DHX38: variants seen among roughly 807,000 people sequenced by gnomAD.
DHX38 encodes DEAH-box helicase 38, also known as pre-mRNA-splicing factor ATP-dependent RNA helicase PRP16.
In DHX38, 100 loss-of-function variants were observed where a neutral mutation model predicts 153.1. The observed-to-expected ratio is 0.65, with a 90% confidence interval of 0.56 to 0.77. DHX38 has a LOEUF of 0.77. Among genes scored for constraint, DHX38 ranks in the 30% least tolerant of loss-of-function variants. The probability of loss-of-function intolerance (pLI) is 0.00; values close to 1 mark genes in which losing one functional copy is unlikely to be tolerated. For missense variants in DHX38, 1,440 were observed against 1,654.0 expected, an observed-to-expected ratio of 0.87 and a Z score of 2.24; for synonymous variants, 650 against 631.7, an observed-to-expected ratio of 1.03 and a Z score of -0.43.
chr16:72,112,639 G>A lies in DHX38; in HGVS notation c.*142G>A. 3 of 878,820 alleles carry A rather than the reference G, an allele frequency of 3.4e-6. No individual in the cohort carries two copies. The highest frequency in any genetic ancestry group is 5.5e-6 in the Non-Finnish European group (3 of 545,106). The allele number at this position is 878,820 out of a possible 1,614,324, so 54.4% of individuals were successfully genotyped here. A position where few individuals can be genotyped will look rare whatever the true frequency, so the allele number is the denominator to read the frequency against. On this transcript the variant is annotated 3_prime_UTR_variant, in exon 27 of 27. Coordinates refer to ENST00000268482, the MANE Select transcript of DHX38 (RefSeq NM_014003.4). ...CGGCCCCCCAGGGCAGTTCCTGCTG[G>A]ACCAGACTCTCTGGCAGAGGAGGTG... is the stretch of plus-strand genomic sequence containing the variant.
At position 72,107,442 on chromosome 16, in the gene DHX38, C is replaced by G. The variant is rs143023565; in HGVS notation, c.2703C>G (p.Leu901=). ...LANVVLLLKS[L]GVQDLLQFHF... ...ACGTGGTGCTGCTGCTCAAGTCCCT[C>G]GGGGTGCAGGACCTGCTGCAGTTCC... Residue 901 remains leucine (L), a synonymous_variant, in exon 20 of 27, where the codon CTC becomes CTG. Transcript: ENST00000268482. This position sits in a 1 kb window ranked among gnomAD's most constrained non-coding sequence, Gnocchi z 5.3. The G allele has an allele frequency of 4.3e-6, 7 of 1,614,016 alleles. No individual in the cohort carries two copies. In the East Asian group the frequency reaches 1.3e-4, roughly 31 times the overall value.
Position 72,096,255 on chromosome 16 carries a change from C to G in DHX38, c.98C>G (p.Ala33Gly). 2.5e-6 allele frequency: 4 copies of G among 1,614,178 alleles called. No homozygotes were observed. Among genetic ancestry groups the G allele is most frequent in the Non-Finnish European group, 3.4e-6 (4 of 1,180,046 alleles). The part of the protein sequence containing the change: ...GGLICKSKSA[A>G]SEQHVFKAPA... ...CTTATTTGCAAGTCCAAAAGTGCGG[C>G]CAGCGAGCAGCATGTCTTCAAGGCT... Residue 33 changes from alanine to glycine, a missense_variant, in exon 2 of 27, where the codon GCC becomes GGC. Coordinates refer to ENST00000268482, the MANE Select transcript of DHX38 (RefSeq NM_014003.4).
intron 3 of DHX38, 93 bp downstream of exon 3, chr16:72,097,102 T>A: frequency 1.5e-6 from 2 of 1,373,362 alleles, no homozygotes; most frequent in South Asian, 1.5e-5. Flanking sequence ...AACACCCATT[T>A]GTTAGGGAGT....
Position 72,107,191 on chromosome 16 carries a change from G to T in DHX38, c.2601-149G>T. 2 of 788,612 alleles carry T rather than the reference G, an allele frequency of 2.5e-6. No individual in the cohort carries two copies. Among genetic ancestry groups the T allele is most frequent in the Non-Finnish European group, 4.0e-6 (2 of 506,030 alleles). 48.9% of individuals were successfully genotyped at this position (788,612 alleles called of 1,614,324 possible). On this transcript the variant is annotated intron_variant, in intron 19 of 26. Transcript: ENST00000268482. This position sits in a 1 kb window ranked among gnomAD's most constrained non-coding sequence, Gnocchi z 5.3. ...AGAAGAAGGGCTAAATTGGCAGATT[G>T]GAGTTTTGAATAGGTGGAAGTCAGT...
chr16:72,099,916 A>G (rs1269396325), intron 8 of DHX38, 29 bp downstream of exon 8: 2 of 1,579,034 alleles, frequency 1.3e-6, no homozygotes, highest in Non-Finnish European at 1.7e-6. Flanking sequence ...GTTGGAGCAG[A>G]TTCAGAGCTG....
chr16:72,098,834 G>A lies in DHX38; in HGVS notation c.764+42G>A, dbSNP rs778250277. 17 of 1,613,204 alleles carry A rather than the reference G, an allele frequency of 1.1e-5. 1 individual carries two copies. In the Middle Eastern group the frequency reaches 5.0e-4, roughly 47 times the overall value. ...AGCAGCCCAGTTTCGCTGGGTGGGC[G>A]GTAAGGAGCCTCGGCAGGGAGAGCA... On this transcript the variant is annotated intron_variant, in intron 5 of 26. Transcript: ENST00000268482.
Position 72,107,153 on chromosome 16 carries a change from T to C in DHX38, c.2601-187T>C, listed in dbSNP as rs1372523012. Among the ~76,000 whole-genome samples, 2 of 151,716 alleles carry C rather than the reference T, an allele frequency of 1.3e-5. No individual in the cohort carries two copies. Among genetic ancestry groups the C allele is most frequent in the East Asian group, 3.9e-4 (2 of 5,174 alleles). ...GTCTAAAAAAAAAAGAAATGAAACA[T>C]GTAAGAGGCTCCAGAAGAAGGGCTA... On this transcript the variant is annotated intron_variant, in intron 19 of 26. Coordinates refer to ENST00000268482, the MANE Select transcript of DHX38 (RefSeq NM_014003.4). The surrounding 1 kb of genome is among the most constrained non-coding windows in gnomAD (Gnocchi z 5.3).
rs776946012 is a variant in DHX38, at chr16:72,104,460, G to C, written c.2011-26G>C. 3.7e-6 allele frequency: 6 copies of C among 1,611,580 alleles called. No individual in the cohort carries two copies. Among genetic ancestry groups the C allele is most frequent in the Non-Finnish European group, 5.1e-6 (6 of 1,179,792 alleles). Reference sequence around the variant, plus strand: ...AGGAGCCAAGGGTCCCCACCATGGGGGCCTCCGAGCCGCCTCTTCTCTCAG... The same window carrying C: ...AGGAGCCAAGGGTCCCCACCATGGGCGCCTCCGAGCCGCCTCTTCTCTCAG... On this transcript the variant is annotated intron_variant, in intron 14 of 26. Coordinates refer to ENST00000268482, the MANE Select transcript of DHX38 (RefSeq NM_014003.4). This position sits in a 1 kb window ranked among gnomAD's most constrained non-coding sequence, Gnocchi z 4.5.
Position 72,104,430 on chromosome 16 carries a change from G to A in DHX38, c.2011-56G>A, listed in dbSNP as rs971607443. On this transcript the variant is annotated intron_variant, in intron 14 of 26. Coordinates refer to ENST00000268482, the MANE Select transcript of DHX38 (RefSeq NM_014003.4). The surrounding 1 kb of genome is among the most constrained non-coding windows in gnomAD (Gnocchi z 4.5). ...TCGGGGGTGGTGCTGATGGGACTGG[G>A]GGACAGGAGCCAAGGGTCCCCACCA... 3 of 1,603,628 alleles carry A rather than the reference G, an allele frequency of 1.9e-6. No individual in the cohort carries two copies. The highest frequency in any genetic ancestry group is 4.5e-5 in the East Asian group (2 of 44,788).
intron 1 of DHX38, chr16:72,094,471 G>A (rs946727964): frequency 2.0e-5 from 3 of 152,244 alleles, no homozygotes; most frequent in Non-Finnish European, 4.4e-5. Flanking sequence ...GGGGATTTTT[G>A]TCTTGTTCTC....
Position 72,104,449 on chromosome 16 carries a change from C to A in DHX38, c.2011-37C>A, listed in dbSNP as rs748319671. 6.2e-7 allele frequency: 1 copy of A among 1,609,574 alleles called. No homozygotes were observed. The highest frequency in any genetic ancestry group is 1.7e-5 in the Admixed American group (1 of 59,990). On this transcript the variant is annotated intron_variant, in intron 14 of 26. Transcript: ENST00000268482. This position sits in a 1 kb window ranked among gnomAD's most constrained non-coding sequence, Gnocchi z 4.5. ...GACTGGGGGACAGGAGCCAAGGGTC[C>A]CCACCATGGGGGCCTCCGAGCCGCC... is the stretch of plus-strand genomic sequence containing the variant.
Position 72,112,825 on chromosome 16 carries a change from G to A in DHX38, c.*328G>A. ...GCTGTGGCTGTCTTTTTTAATCCTT[G>A]TGTAAAGCAGCAAAAAAGACCTAAA... On this transcript the variant is annotated 3_prime_UTR_variant, in exon 27 of 27. Transcript: ENST00000268482. 1 of 702,592 alleles carries A rather than the reference G, an allele frequency of 1.4e-6. No individual in the cohort carries two copies. 43.5% of individuals were successfully genotyped at this position (702,592 alleles called of 1,614,324 possible).
At position 72,106,079 on chromosome 16, in the gene DHX38, A is replaced by G. The variant is rs1288287717; in HGVS notation, c.2562A>G (p.Ser854=). ...GCCAGGCCAATGCCAACCAGCGGTC[A>G]GGGCGAGCCGGCAGGACGGGCCCAG... ...PISQANANQR[S]GRAGRTGPGQ... Residue 854 remains serine (S), a synonymous_variant, in exon 19 of 27, where the codon TCA becomes TCG. Transcript: ENST00000268482. 1 of 1,614,110 alleles carries G rather than the reference A, an allele frequency of 6.2e-7. No homozygotes were observed. The highest frequency in any genetic ancestry group is 8.5e-7 in the Non-Finnish European group (1 of 1,180,050).
intron 4 of DHX38, among the ~76,000 whole-genome samples, 187 bp from the exon 5 acceptor site, chr16:72,098,458 A>G (rs985329048): frequency 6.6e-6 from 1 of 152,194 alleles, no homozygotes; most frequent in South Asian, 2.1e-4. Context: ...GGAAAAATAC[A>G]TCCTGGACCA....
At chr16:72,105,769 CA>C (rs2042167467) in intron 18 of DHX38, 145 bp downstream of exon 18, 2 of 817,544 alleles carry the variant, frequency 2.4e-6, no homozygotes, top group African/African-American at 1.7e-5. Flanking sequence ...CACATTGACT[CA>C]CTGTGCTTGG....
chr16:72,098,231 G>C (rs1448470738), intron 4 of DHX38, among the ~76,000 whole-genome samples: 1 of 152,026 alleles, frequency 6.6e-6, no homozygotes, highest in African/African-American at 2.4e-5. Context: ...TCAGGAGTTC[G>C]AGACCAGCCT....
At chr16:72,100,354 T>G (rs1399258839) in intron 8 of DHX38, 82 bp from the exon 9 acceptor site, 1 of 1,522,486 alleles carries the variant, frequency 6.6e-7, no homozygotes, top group Admixed American at 2.0e-5. Context: ...TGTCAGGACT[T>G]GATGTGTGGA....
chr16:72,101,650 C>G (rs1451507066), intron 11 of DHX38, 38 bp downstream of exon 11: 1 of 1,526,674 alleles, frequency 6.6e-7, no homozygotes, highest in Non-Finnish European at 8.9e-7. Flanking sequence ...AGCCTTGCTC[C>G]AAAGATGGGG....
At chr16:72,101,857 C>T (rs1159156812) in intron 11 of DHX38, among the ~76,000 whole-genome samples, 3 of 152,142 alleles carry the variant, frequency 2.0e-5, no homozygotes, top group Non-Finnish European at 4.4e-5. Context: ...AGGAAGGAGG[C>T]CCAGGGAGGT....
Sources: allele counts gnomAD v4.1 joint callset (sites outside exome capture counted in the v4.1 genomes callset), GRCh38; gene constraint gnomAD v4.1.1; non-coding constraint Gnocchi (gnomAD v3.1); transcripts MANE v1.5; gene names NCBI Gene and HGNC (gene_info 2026-07-23, HGNC 2026-07-21).